The following LAMA1 variants were observed in gnomAD, a reference collection of about 807,000 sequenced individuals.
LAMA1 encodes the protein laminin subunit alpha 1.
A neutral mutation model predicts 348.7 loss-of-function variants in LAMA1; 219 were observed. The ratio of observed to expected loss-of-function variants is 0.63; its 90% CI spans 0.56 to 0.70. The LOEUF is 0.70. Ranked by LOEUF, LAMA1 falls within the 30% of genes least tolerant of loss-of-function variation. The probability of loss-of-function intolerance (pLI) is 0.00; values close to 1 mark genes in which losing one functional copy is unlikely to be tolerated. For synonymous variants in LAMA1, 1,487 were observed against 1,491.0 expected (o/e 1.00, Z 0.06); for missense variants, 3,744 against 3,888.0 (o/e 0.96, Z 0.99).
chr18:6,992,084 A>T (rs1398761625), intron 36 of LAMA1, among the ~76,000 whole-genome samples: 1 of 152,206 alleles, frequency 6.6e-6, no homozygotes, highest in African/African-American at 2.4e-5. Context: ...TGTATGTAAG[A>T]ATGCTTTGTG....
At chr18:6,943,563 T>C (rs994939806) in intron 61 of LAMA1, among the ~76,000 whole-genome samples, 161 bp from the exon 62 acceptor site, 5 of 152,102 alleles carry the variant, frequency 3.3e-5, no homozygotes, top group African/African-American at 9.7e-5. Flanking sequence ...AGGATTCAGA[T>C]GATGGCTGGG....
At chr18:7,031,702 T>C (rs1161526261) in intron 16 of LAMA1, among the ~76,000 whole-genome samples, 2 of 69,102 alleles carry the variant, frequency 2.9e-5, no homozygotes, top group Non-Finnish European at 5.9e-5. Context: ...TAAATAAATA[T>C]TAGCACTGTC....
At chr18:7,015,469 A>AG (rs2057882876) in intron 22 of LAMA1, among the ~76,000 whole-genome samples, 1 of 151,660 alleles carries the variant, frequency 6.6e-6, no homozygotes, top group South Asian at 2.1e-4. Flanking sequence ...TTGCAAAGAC[A>AG]GGGTCTTGCT....
chr18:7,098,827 C>A (rs1350796024), intron 1 of LAMA1, among the ~76,000 whole-genome samples: 1 of 131,142 alleles, frequency 7.6e-6, no homozygotes, highest in Non-Finnish European at 1.7e-5. Context: ...GGCCACCGCC[C>A]CGTCCGGGAG....
At chr18:7,047,867 A>G (rs890699291) in intron 5 of LAMA1, among the ~76,000 whole-genome samples, 1 of 152,224 alleles carries the variant, frequency 6.6e-6, no homozygotes, top group African/African-American at 2.4e-5. Context: ...CCTCCCTCAC[A>G]CCAATCACAA....
intron 3 of LAMA1, among the ~76,000 whole-genome samples, chr18:7,064,376 A>C (rs1156708429): frequency 6.6e-6 from 1 of 152,202 alleles, no homozygotes; most frequent in Non-Finnish European, 1.5e-5. Flanking sequence ...TAGTATTTCT[A>C]GGCAGGGGCC....
rs756597902 is a variant in LAMA1, at chr18:6,950,909, T to C, written c.8270A>G (p.His2757Arg). The change falls in exon 58 of 63, where the codon CAT becomes CGT. Residue 2757 changes from histidine to arginine, a missense_variant. His to Arg is a conservative substitution (Grantham distance 29, BLOSUM62 0). Around this residue, in one of 3 missense-constraint regions of LAMA1, gnomAD observed 1,983 missense variants for 1,934.3 expected, o/e 1.03. Coordinates refer to ENST00000389658, the MANE Select transcript of LAMA1 (RefSeq NM_005559.4). The part of the protein sequence containing the change: ...ASSGLIYYMA[H>R]QNQADYAVLQ... The stretch of plus-strand genomic sequence containing the variant: ...CACAGCGTAGTCTGCTTGGTTCTGA[T>C]GAGCCATGTAGTAAATCAGGCCGCT... The C allele has an allele frequency of 2.5e-6, 4 of 1,613,722 alleles. No individual in the cohort carries two copies. The African/African-American group carries it at 4.0e-5, about 16-fold the overall frequency.
intron 30 of LAMA1, 59 bp from the exon 31 acceptor site, chr18:7,000,056 G>C (rs531584492): frequency 5.5e-6 from 7 of 1,274,270 alleles, no homozygotes; most frequent in Non-Finnish European, 7.9e-6. Context: ...CTTTCCTTAA[G>C]GTACTTATTC....
Position 6,982,602 on chromosome 18 carries a change from A to T in LAMA1, c.5797-12T>A. On this transcript the variant is annotated splice_polypyrimidine_tract_variant and intron_variant, in intron 40 of 62. Coordinates refer to ENST00000389658, the MANE Select transcript of LAMA1 (RefSeq NM_005559.4). The stretch of plus-strand genomic sequence containing the variant: ...AGGGATTCTGAGAGCTGGAAAACAG[A>T]ACCACTTAAGCGTGGTGAGAGCAGG... 6.2e-7 allele frequency: 1 copy of T among 1,612,664 alleles called. No homozygotes were observed. Among genetic ancestry groups the T allele is most frequent in the Middle Eastern group, 1.7e-4 (1 of 6,058 alleles).
intron 12 of LAMA1, 97 bp downstream of exon 12, chr18:7,037,479 GCC>G: frequency 7.6e-7 from 1 of 1,314,586 alleles, no homozygotes; most frequent in Non-Finnish European, 1.1e-6. Context: ...ACACTCAGGT[GCC>G]CTATGAGACT....
intron 1 of LAMA1, among the ~76,000 whole-genome samples, chr18:7,092,067 T>C (rs1283815249): frequency 6.6e-6 from 1 of 152,222 alleles, no homozygotes; most frequent in Non-Finnish European, 1.5e-5. Context: ...CAAAACACTC[T>C]GATCACAGGT....
chr18:7,107,150 A>C (rs2058315398), intron 1 of LAMA1, among the ~76,000 whole-genome samples: 1 of 131,400 alleles, frequency 7.6e-6, no homozygotes, highest in East Asian at 2.3e-4. Flanking sequence ...ACGGAGTCTC[A>C]CTCTGTCACC....
rs186477158 is a variant in LAMA1 at position 7,078,352 on chromosome 18, A to G, written c.345+1623T>C. ...CAGCTAATTTTTTGTATTTTTAGTA[A>G]AGACGGGGTTTCACCGTGTTAGCCA... On this transcript the variant is annotated intron_variant, in intron 3 of 62. Coordinates refer to ENST00000389658, the MANE Select transcript of LAMA1 (RefSeq NM_005559.4). 3.2e-3 allele frequency among the ~76,000 whole-genome samples: 485 copies of G among 150,514 alleles called. 13 individuals carry two copies. The highest frequency in any genetic ancestry group is 0.02 in the Admixed American group (308 of 15,140).
chr18:7,018,091 T>G (rs966981995), intron 19 of LAMA1, among the ~76,000 whole-genome samples: 36 of 152,058 alleles, frequency 2.4e-4, no homozygotes, highest in Middle Eastern at 6.8e-3. Context: ...ATCCCAGCAC[T>G]TTGGGAGGAC....
At chr18:6,974,029 C>A (rs768259711) in intron 46 of LAMA1, among the ~76,000 whole-genome samples, 1 of 152,138 alleles carries the variant, frequency 6.6e-6, no homozygotes, top group Non-Finnish European at 1.5e-5. Flanking sequence ...ACAATCCTCC[C>A]ACCTCGGCCT....
intron 29 of LAMA1, among the ~76,000 whole-genome samples, chr18:7,003,909 T>C (rs906123533): frequency 6.6e-6 from 1 of 152,242 alleles, no homozygotes; most frequent in African/African-American, 2.4e-5. Flanking sequence ...TACTGGGATC[T>C]ACCTGACCTC....
intron 3 of LAMA1, among the ~76,000 whole-genome samples, chr18:7,059,342 A>G (rs1017509836): frequency 6.6e-6 from 1 of 152,212 alleles, no homozygotes; most frequent in African/African-American, 2.4e-5. Flanking sequence ...CTCAGAGTCA[A>G]TGTAGTCTTG....
chr18:7,037,823 A>G (rs574831628), intron 11 of LAMA1, 72 bp from the exon 12 acceptor site: 15 of 1,458,652 alleles, frequency 1.0e-5, no homozygotes, highest in East Asian at 9.3e-5. Context: ...TGCAGCAGTA[A>G]TATTTTCACA....
intron 55 of LAMA1, among the ~76,000 whole-genome samples, chr18:6,957,773 A>G (rs2057586640): frequency 1.3e-5 from 2 of 151,186 alleles, no homozygotes; most frequent in Admixed American, 6.6e-5. Context: ...CAGGGAATGG[A>G]GGCTTCCAGT....
Sources: allele counts gnomAD v4.1 joint callset (sites outside exome capture counted in the v4.1 genomes callset), GRCh38; gene constraint gnomAD v4.1.1; regional missense constraint gnomAD v4.1.1; transcripts MANE v1.5; gene names NCBI Gene and HGNC (gene_info 2026-07-23, HGNC 2026-07-21).